TERB1: variants seen among roughly 807,000 people sequenced by gnomAD.
TERB1 encodes the protein telomere repeats-binding bouquet formation protein 1.
Under a neutral mutation model 92.3 loss-of-function variants are expected in TERB1, and 63 were observed. That is an observed-to-expected ratio of 0.68 (90% CI 0.56 to 0.84). The LOEUF is 0.84. Ranked by LOEUF, TERB1 falls within the 40% of genes least tolerant of loss-of-function variation. The probability of loss-of-function intolerance (pLI) is 0.00; values close to 1 mark genes in which losing one functional copy is unlikely to be tolerated. For synonymous variants in TERB1, 252 were observed against 283.9 expected, an observed-to-expected ratio of 0.89 and a Z score of 1.13; for missense variants, 709 against 843.7, an observed-to-expected ratio of 0.84 and a Z score of 1.98.
At chr16:66,774,869 T>A (rs186083500) in intron 12 of TERB1, among the ~76,000 whole-genome samples, 202 of 151,874 alleles carry the variant, frequency 1.3e-3, no homozygotes, top group African/African-American at 4.5e-3. Context: ...TCTATATATA[T>A]ATTTTTTTAT....
At chr16:66,775,634 AAAAAAC>A (rs1286493064) in intron 11 of TERB1, among the ~76,000 whole-genome samples, 2 of 152,146 alleles carry the variant, frequency 1.3e-5, no homozygotes, top group African/African-American at 2.4e-5. Context: ...ACTTTGTCTC[AAAAAAC>A]AAAAACAAAA....
chr16:66,770,709 A>T lies in TERB1; in HGVS notation c.1273-400T>A, dbSNP rs550091175. On this transcript the variant is annotated intron_variant, in intron 13 of 18. Transcript: ENST00000433154. ...TAATATACTCGACCACATAAAAAAA[A>T]TTTTTTTTAATTCTTCTAGAGACCA... Among the ~76,000 whole-genome samples, 172 of 152,174 alleles carry T rather than the reference A, an allele frequency of 1.1e-3. 1 individual carries two copies. The highest frequency in any genetic ancestry group is 0.01 in the South Asian group (49 of 4,822).
intron 18 of TERB1, 59 bp from the exon 19 acceptor site, chr16:66,755,222 AT>A: frequency 9.6e-7 from 1 of 1,039,060 alleles, no homozygotes; most frequent in Non-Finnish European, 1.4e-6. Flanking sequence ...TGAGATGCAA[AT>A]AAGTGCTTAT....
At chr16:66,776,017 G>C (rs1237036221) in intron 11 of TERB1, among the ~76,000 whole-genome samples, 1 of 151,774 alleles carries the variant, frequency 6.6e-6, no homozygotes, top group Non-Finnish European at 1.5e-5. Context: ...GCCCCCAAAA[G>C]GATTTTTAAC....
intron 14 of TERB1, 26 bp downstream of exon 14, chr16:66,769,933 TAAAA>T (rs2018414574): frequency 6.9e-7 from 1 of 1,447,336 alleles, no homozygotes; most frequent in African/African-American, 1.4e-5. Flanking sequence ...GCTGAATAAA[TAAAA>T]GTTACACACA....
chr16:66,777,276 C>T lies in TERB1; in HGVS notation c.912G>A (p.Leu304=), dbSNP rs1177822777. ...CTCCTGAATCCAGACTTTCATGAAG[C>T]AGTAATGCCAGAAGTTTAGAAACAA... ...YHIVSKLLAL[L]LHESLDSGEK... The change falls in exon 11 of 19, where the codon CTG becomes CTA. Residue 304 remains leucine (L), a synonymous_variant. Coordinates refer to ENST00000433154, the MANE Select transcript of TERB1 (RefSeq NM_001136505.2). 6.5e-7 allele frequency: 1 copy of T among 1,549,818 alleles called. No individual in the cohort carries two copies. Among genetic ancestry groups the T allele is most frequent in the Non-Finnish European group, 8.7e-7 (1 of 1,145,600 alleles).
chr16:66,771,351 A>C (rs1398806431), intron 13 of TERB1, among the ~76,000 whole-genome samples: 2 of 152,240 alleles, frequency 1.3e-5, no homozygotes, highest in African/African-American at 4.8e-5. Flanking sequence ...GTAAGTTGAT[A>C]CATCTTCTGT....
At chr16:66,786,361 T>C (rs1291522584) in intron 6 of TERB1, 76 bp from the exon 7 acceptor site, 3 of 1,024,656 alleles carry the variant, frequency 2.9e-6, no homozygotes, top group African/African-American at 1.6e-5. Flanking sequence ...AGTTAAGTTT[T>C]ATTTTAATAA....
chr16:66,780,384 A>AC (rs34492752), intron 9 of TERB1, among the ~76,000 whole-genome samples: 1,894 of 147,678 alleles, frequency 0.013, 40 homozygotes, highest in South Asian at 0.097. Context: ...ACATAGTGAG[A>AC]CCCCATCTCT....
chr16:66,775,158 G>T lies in TERB1; in HGVS notation c.1071C>A (p.Asn357Lys), dbSNP rs2018523998. The T allele has an allele frequency of 6.4e-7, 1 of 1,551,416 alleles. No individual in the cohort carries two copies. The highest frequency in any genetic ancestry group is 2.4e-5 in the East Asian group (1 of 40,928). ...TGTGAAGCACAAATGTGGCAGCTTT[G>T]TTCAGTTCCTCATTCTGCGATTCAG... is the stretch of plus-strand genomic sequence containing the variant. The part of the protein sequence containing the change: ...ALTESQNEEL[N>K]KAATFVLHNC... Residue 357 changes from asparagine to lysine, a missense_variant, in exon 12 of 19, where the codon AAC becomes AAA. Physicochemically the swap from Asn to Lys is moderately conservative, Grantham distance 94 (BLOSUM62 0). Coordinates refer to ENST00000433154, the MANE Select transcript of TERB1 (RefSeq NM_001136505.2).
At chr16:66,789,124 A>G (rs1597024659) in intron 5 of TERB1, among the ~76,000 whole-genome samples, 1 of 151,964 alleles carries the variant, frequency 6.6e-6, no homozygotes, top group South Asian at 2.1e-4. Context: ...TAAAATAACT[A>G]AAGAGTATAA....
intron 13 of TERB1, among the ~76,000 whole-genome samples, chr16:66,770,963 A>C (rs1292158190): frequency 6.6e-6 from 1 of 151,966 alleles, no homozygotes; most frequent in Non-Finnish European, 1.5e-5. Flanking sequence ...CAATCCTCCC[A>C]CCTCACCCTC....
intron 13 of TERB1, among the ~76,000 whole-genome samples, chr16:66,771,088 A>G (rs1228143025): frequency 1.3e-5 from 2 of 152,176 alleles, no homozygotes; most frequent in African/African-American, 4.8e-5. Context: ...TAAAAATAAC[A>G]TTTATAAAAA....
rs542752379 is a variant in TERB1, at chr16:66,784,113, C to T, written c.700+1673G>A. 3.0e-4 allele frequency among the ~76,000 whole-genome samples: 45 copies of T among 152,332 alleles called. No homozygotes were observed. In the South Asian group the frequency reaches 5.4e-3, roughly 18 times the overall value. ...TAAGATCTATAGTGATGTCACCTTTCATTCCTGGCACAGGTAATCTGAGCT... is the reference window on the plus strand; with the variant it reads ...TAAGATCTATAGTGATGTCACCTTTTATTCCTGGCACAGGTAATCTGAGCT... On this transcript the variant is annotated intron_variant, in intron 9 of 18. Coordinates refer to ENST00000433154, the MANE Select transcript of TERB1 (RefSeq NM_001136505.2).
At chr16:66,759,819 AGG>A (rs1567464378) in intron 16 of TERB1, among the ~76,000 whole-genome samples, 6 of 145,760 alleles carry the variant, frequency 4.1e-5, no homozygotes, top group Middle Eastern at 3.5e-3. Flanking sequence ...AAAAAAAAAA[AGG>A]AAAGAAAGAA....
intron 13 of TERB1, among the ~76,000 whole-genome samples, chr16:66,772,046 C>A (rs1020156673): frequency 6.7e-5 from 9 of 134,576 alleles, no homozygotes. Flanking sequence ...ATCATTTCTA[C>A]TTTTTAAAAA....
rs1484149940 is a variant in TERB1, at chr16:66,790,929, T to C, written c.122A>G (p.His41Arg). ...FSQKEALVTI[H>R]SICQQNSNAS... ...CTTACTGTTTTGTTGACAAATTGAA[T>C]GAATAGTGACCAAAGCTTCCTTTTG... The change falls in exon 4 of 19, where the codon CAT (histidine) becomes CGT (arginine). Residue 41 changes from histidine to arginine, a missense_variant. His to Arg is a conservative substitution (Grantham distance 29). Coordinates refer to ENST00000433154, the MANE Select transcript of TERB1 (RefSeq NM_001136505.2). 4 of 1,547,230 alleles carry C rather than the reference T, an allele frequency of 2.6e-6. No individual in the cohort carries two copies. Among genetic ancestry groups the C allele is most frequent in the Non-Finnish European group, 3.5e-6 (4 of 1,144,112 alleles).
chr16:66,770,001 T>C lies in TERB1; in HGVS notation c.1581A>G (p.Glu527=), dbSNP rs149574995. Residue 527 remains glutamate, a synonymous_variant, in exon 14 of 19, where the codon GAA becomes GAG. Coordinates refer to ENST00000433154, the MANE Select transcript of TERB1 (RefSeq NM_001136505.2). ...CAAAATTCTTTTCAAAAGTAGTTTCTTCATGTAAGTTTTGATTGCAGCTTG... is the reference window on the plus strand; with the variant it reads ...CAAAATTCTTTTCAAAAGTAGTTTCCTCATGTAAGTTTTGATTGCAGCTTG... The part of the protein sequence containing the change: ...AKSSCNQNLH[E]ETTFEKNFVS... 7 of 1,551,198 alleles carry C rather than the reference T, an allele frequency of 4.5e-6. No homozygotes were observed. The African/African-American group carries it at 9.6e-5, about 21-fold the overall frequency.
intron 9 of TERB1, among the ~76,000 whole-genome samples, chr16:66,779,344 T>C (rs1380670775): frequency 6.6e-6 from 1 of 152,222 alleles, no homozygotes; most frequent in African/African-American, 2.4e-5. Flanking sequence ...ATGCCTGTAA[T>C]CCCAGCACTT....
Sources: allele counts gnomAD v4.1 joint callset (sites outside exome capture counted in the v4.1 genomes callset), GRCh38; gene constraint gnomAD v4.1.1; transcripts MANE v1.5; gene names NCBI Gene and HGNC (gene_info 2026-07-23, HGNC 2026-07-21).